B3GAT2: variants seen among roughly 807,000 people sequenced by gnomAD.
The protein encoded by B3GAT2 is beta-1,3-glucuronyltransferase 2.
In B3GAT2, 26 loss-of-function variants were observed where a neutral mutation model predicts 27.8. The ratio of observed to expected loss-of-function variants is 0.93; its 90% confidence interval spans 0.68 to 1.30. The LOEUF (loss-of-function observed/expected upper bound fraction) is 1.30, where lower values mean the gene tolerates loss of function less well. Ranked by LOEUF, B3GAT2 falls within the 50% of genes most tolerant of loss-of-function variation. The pLI, the probability that B3GAT2 is intolerant of heterozygous loss-of-function variation, is 0.00. For synonymous variants in B3GAT2, 218 were observed against 195.1 expected (o/e 1.12, Z -0.98); for missense variants, 458 against 459.0 (o/e 1.00, Z 0.02).
At position 70,857,859 on chromosome 6, in the gene B3GAT2, A is replaced by G. The variant is rs1771499389; in HGVS notation, c.*3804T>C. ...TCAGAAAGGCAATTTTTCTGTGATTATAGAGATGAGTGCAACTACACGTGA... is the reference window on the plus strand; with the variant it reads ...TCAGAAAGGCAATTTTTCTGTGATTGTAGAGATGAGTGCAACTACACGTGA... On this transcript the variant is annotated 3_prime_UTR_variant, in exon 4 of 4. Transcript: ENST00000230053. 2 of 1,554,730 alleles carry G rather than the reference A, an allele frequency of 1.3e-6. No homozygotes were observed. The highest frequency in any genetic ancestry group is 2.7e-5 in the African/African-American group (2 of 73,502).
intron 1 of B3GAT2, among the ~76,000 whole-genome samples, chr6:70,948,418 G>A (rs184061470): frequency 0.18 from 26,473 of 147,114 alleles, 2,689 homozygotes; most frequent in Non-Finnish European, 0.27. Flanking sequence ...AAAATCACAA[G>A]CATTCTTATA....
intron 1 of B3GAT2, among the ~76,000 whole-genome samples, chr6:70,899,483 G>A (rs1772455913): frequency 1.3e-5 from 2 of 152,222 alleles, no homozygotes; most frequent in African/African-American, 4.8e-5. Flanking sequence ...GAGGCTGGGT[G>A]TTAAAGGTGA....
chr6:70,903,571 T>A (rs746646547), intron 1 of B3GAT2, among the ~76,000 whole-genome samples: 1 of 152,118 alleles, frequency 6.6e-6, no homozygotes, highest in Non-Finnish European at 1.5e-5. Flanking sequence ...CATCAAGATA[T>A]ATGAATGACC....
At position 70,858,592 on chromosome 6, in the gene B3GAT2, T is replaced by TACC. The variant is rs1771550140; in HGVS notation, c.*3070_*3071insGGT. 15 of 164,362 alleles carry TACC rather than the reference T, an allele frequency of 9.1e-5. No individual in the cohort carries two copies. The highest frequency in any genetic ancestry group is 3.1e-4 in the African/African-American group (13 of 41,826). 10.2% of individuals were successfully genotyped at this position (164,362 alleles called of 1,614,324 possible). On this transcript the variant is annotated 3_prime_UTR_variant, in exon 4 of 4. Transcript: ENST00000230053. The stretch of plus-strand genomic sequence containing the variant: ...CACTAAGCTTTATCCAGCTTGCTGG[T>TACC]GGGACATTTTTACAGTCCACTTAGA...
chr6:70,943,611 A>G (rs183797587), intron 1 of B3GAT2, among the ~76,000 whole-genome samples: 40 of 152,334 alleles, frequency 2.6e-4, no homozygotes, highest in African/African-American at 8.7e-4. Flanking sequence ...CTTAATTTTA[A>G]TATCTATAGA....
chr6:70,860,900 A>G lies in B3GAT2; in HGVS notation c.*763T>C, dbSNP rs982275558. The G allele has an allele frequency of 2.6e-6, 1 of 389,280 alleles. No individual in the cohort carries two copies. Among genetic ancestry groups the G allele is most frequent in the Non-Finnish European group, 4.5e-6 (1 of 220,244 alleles). 24.1% of individuals were successfully genotyped at this position (389,280 alleles called of 1,614,324 possible). On this transcript the variant is annotated 3_prime_UTR_variant, in exon 4 of 4. Coordinates refer to ENST00000230053, the MANE Select transcript of B3GAT2 (RefSeq NM_080742.3). ...TGAAAGGAAGATAAACGTGGATGTT[A>G]CTCCAAAACTTCGTTTAATGAATGC...
chr6:70,940,543 A>G (rs1222249712), intron 1 of B3GAT2, among the ~76,000 whole-genome samples: 1 of 152,088 alleles, frequency 6.6e-6, no homozygotes, highest in African/African-American at 2.4e-5. Context: ...TATCTCTTTG[A>G]TTCATTCATT....
intron 2 of B3GAT2, among the ~76,000 whole-genome samples, chr6:70,867,479 TGAAAG>T (rs758044013): frequency 2.6e-5 from 4 of 151,968 alleles, no homozygotes; most frequent in African/African-American, 4.8e-5. Context: ...GCCTCAGAAA[TGAAAG>T]AGATAGGTTC....
chr6:70,950,042 T>C (rs1203887735), intron 1 of B3GAT2, among the ~76,000 whole-genome samples: 1 of 106,882 alleles, frequency 9.4e-6, no homozygotes, highest in Non-Finnish European at 1.8e-5. Flanking sequence ...CATCACACTC[T>C]GGGGACTGTT....
At position 70,956,980 on chromosome 6, in the gene B3GAT2, G is replaced by T; in HGVS notation, c.-551C>A. On this transcript the variant is annotated 5_prime_UTR_variant, in exon 1 of 4. Transcript: ENST00000230053. Reference sequence around the variant, plus strand: ...GTGGAGACGCTGGGGGTTGTGTCCCGGCTGTGTTCGCGCGCCGCAGCGGAA... The same window carrying T: ...GTGGAGACGCTGGGGGTTGTGTCCCTGCTGTGTTCGCGCGCCGCAGCGGAA... The T allele has an allele frequency of 2.0e-6, 2 of 999,840 alleles. No homozygotes were observed. The highest frequency in any genetic ancestry group is 2.4e-6 in the Non-Finnish European group (2 of 840,004). The allele number at this position is 999,840 out of a possible 1,614,324, so 61.9% of individuals were successfully genotyped here. A position where few individuals can be genotyped will look rare whatever the true frequency, so the allele number is the denominator to read the frequency against.
intron 2 of B3GAT2, 103 bp from the exon 3 acceptor site, chr6:70,862,081 A>G (rs1314337644): frequency 1.9e-6 from 2 of 1,055,906 alleles, no homozygotes; most frequent in Non-Finnish European, 2.7e-6. Context: ...TAAAATACCT[A>G]CTGTGTGTCA....
At chr6:70,900,843 A>G (rs1340356289) in intron 1 of B3GAT2, among the ~76,000 whole-genome samples, 1 of 152,252 alleles carries the variant, frequency 6.6e-6, no homozygotes, top group Non-Finnish European at 1.5e-5. Context: ...GAATAAAGTT[A>G]TCGATCTTCT....
intron 1 of B3GAT2, among the ~76,000 whole-genome samples, chr6:70,894,660 A>G (rs1381968919): frequency 1.3e-5 from 2 of 152,250 alleles, no homozygotes; most frequent in Non-Finnish European, 2.9e-5. Context: ...TTCATTACTC[A>G]GGAAGAACAA....
intron 2 of B3GAT2, among the ~76,000 whole-genome samples, chr6:70,877,615 G>A (rs979146483): frequency 6.6e-6 from 1 of 152,074 alleles, no homozygotes; most frequent in Non-Finnish European, 1.5e-5. Context: ...CCTTACATTG[G>A]CTTTGAACCT....
intron 1 of B3GAT2, among the ~76,000 whole-genome samples, chr6:70,945,425 T>G (rs1329117090): frequency 6.6e-6 from 1 of 151,920 alleles, no homozygotes; most frequent in Non-Finnish European, 1.5e-5. Flanking sequence ...ACATGAAGAA[T>G]GCAGAAGCCT....
At position 70,858,081 on chromosome 6, in the gene B3GAT2, A is replaced by G. The variant is rs145015957; in HGVS notation, c.*3582T>C. On this transcript the variant is annotated 3_prime_UTR_variant, in exon 4 of 4. Coordinates refer to ENST00000230053, the MANE Select transcript of B3GAT2 (RefSeq NM_080742.3). ...ATGATGGTGGGCATGCCCATGCCCA[A>G]TGGGTTTATGGGAAATGCACAAACT... 180 of 1,614,080 alleles carry G rather than the reference A, an allele frequency of 1.1e-4. 2 individuals carry two copies. The highest frequency in any genetic ancestry group is 1.0e-3 in the South Asian group (91 of 91,082).
At chr6:70,887,466 A>T (rs9446304) in intron 2 of B3GAT2, among the ~76,000 whole-genome samples, 2,896 of 152,242 alleles carry the variant, frequency 0.019, 87 homozygotes, top group African/African-American at 0.066. Flanking sequence ...TTTGCCTGGT[A>T]AACTTGTAGC....
intron 1 of B3GAT2, among the ~76,000 whole-genome samples, chr6:70,895,517 T>A: frequency 9.1e-6 from 1 of 109,620 alleles, no homozygotes; most frequent in East Asian, 3.1e-4. Context: ...TTTTTTTTTT[T>A]TTTTTGGAGT....
At chr6:70,889,046 T>C (rs180922306) in intron 2 of B3GAT2, among the ~76,000 whole-genome samples, 2 of 152,338 alleles carry the variant, frequency 1.3e-5, no homozygotes, top group East Asian at 3.9e-4. Flanking sequence ...ACATTCAGTG[T>C]GTGTGGAATT....
Sources: allele counts gnomAD v4.1 joint callset (sites outside exome capture counted in the v4.1 genomes callset), GRCh38; gene constraint gnomAD v4.1.1; transcripts MANE v1.5; gene names NCBI Gene and HGNC (gene_info 2026-07-23, HGNC 2026-07-21).